TTC12: variants seen among roughly 807,000 people sequenced by gnomAD.
The protein encoded by TTC12 is tetratricopeptide repeat protein 12.
Under a neutral mutation model 90.1 loss-of-function variants are expected in TTC12, and 70 were observed. That is an observed-to-expected ratio of 0.78 (90% CI 0.64 to 0.95). The LOEUF is 0.95. Among genes scored for constraint, TTC12 ranks in the 40% least tolerant of loss-of-function variants. TTC12 has a pLI of 0.00. For missense variants in TTC12, 819 were observed against 846.1 expected (o/e 0.97, Z 0.40); for synonymous variants, 296 against 311.5 (o/e 0.95, Z 0.53).
At chr11:113,342,212 T>A (rs1478134049) in intron 12 of TTC12, among the ~76,000 whole-genome samples, 1 of 152,174 alleles carries the variant, frequency 6.6e-6, no homozygotes, top group Non-Finnish European at 1.5e-5. Context: ...GGCAATGAGG[T>A]AGATGGAGTT....
chr11:113,354,078 T>G (rs1555151533), intron 16 of TTC12, among the ~76,000 whole-genome samples: 1 of 152,240 alleles, frequency 6.6e-6, no homozygotes, highest in East Asian at 1.9e-4. Context: ...ACAATATTGA[T>G]TCTTCCTGTC....
chr11:113,317,849 A>G (rs1947042914), intron 2 of TTC12, among the ~76,000 whole-genome samples: 1 of 152,120 alleles, frequency 6.6e-6, no homozygotes, highest in Non-Finnish European at 1.5e-5. Context: ...TCATTCAGGT[A>G]TCATGTATAC....
intron 4 of TTC12, 74 bp downstream of exon 4, chr11:113,324,089 C>T: frequency 8.1e-7 from 1 of 1,239,298 alleles, no homozygotes; most frequent in South Asian, 1.3e-5. Context: ...AGCTCCCAGA[C>T]CCTTAAATTA....
intron 7 of TTC12, among the ~76,000 whole-genome samples, chr11:113,330,502 A>ATAGAT (rs781326057): frequency 1.7e-3 from 252 of 152,384 alleles, no homozygotes; most frequent in South Asian, 2.9e-3. Context: ...ATCTGCCAAA[A>ATAGAT]TAGATGGTCA....
chr11:113,345,916 G>C (rs1363107127), intron 13 of TTC12, among the ~76,000 whole-genome samples: 2 of 149,006 alleles, frequency 1.3e-5, no homozygotes, highest in African/African-American at 5.2e-5. Context: ...CACCTCGGGT[G>C]GTCCTGCCTA....
intron 16 of TTC12, among the ~76,000 whole-genome samples, chr11:113,358,768 A>C (rs1464474929): frequency 6.6e-6 from 1 of 152,162 alleles, no homozygotes; most frequent in Non-Finnish European, 1.5e-5. Flanking sequence ...TGTGCTGGTC[A>C]AGGGGATTTC....
intron 13 of TTC12, among the ~76,000 whole-genome samples, chr11:113,345,440 C>T (rs1314339909): frequency 5.6e-5 from 8 of 143,364 alleles, no homozygotes; most frequent in African/African-American, 1.3e-4. Flanking sequence ...GACCCAGCTC[C>T]GCTCTGTGTT....
chr11:113,325,405 C>T (rs1402397996), intron 5 of TTC12, 119 bp from the exon 6 acceptor site: 6 of 1,194,922 alleles, frequency 5.0e-6, no homozygotes, highest in East Asian at 2.5e-5. Flanking sequence ...GTGTCAAGTC[C>T]CTTTAGGATC....
In TTC12 at chr11:113,366,288, C is replaced by T. The variant is rs779785996; in HGVS notation, c.2106C>T (p.Ile702=). The change falls in exon 22 of 22, where the codon ATC becomes ATT. Residue 702 remains isoleucine (I), a synonymous_variant. Coordinates refer to ENST00000529221, the MANE Select transcript of TTC12 (RefSeq NM_017868.4). Reference sequence around the variant, plus strand: ...TTCTCAACTCTACGATGAAATACATCAGTGATTCTTGAGAGAGACAGGGTT... The same window carrying T: ...TTCTCAACTCTACGATGAAATACATTAGTGATTCTTGAGAGAGACAGGGTT... The part of the protein sequence containing the change: ...LEILNSTMKY[I]SDS The T allele has an allele frequency of 6.2e-6, 10 of 1,613,624 alleles. No individual in the cohort carries two copies. The Admixed American group carries it at 1.7e-4, about 27-fold the overall frequency.
chr11:113,367,418 A>C (rs1046833737), downstream of TTC12, among the ~76,000 whole-genome samples: 1 of 152,214 alleles, frequency 6.6e-6, no homozygotes, highest in African/African-American at 2.4e-5. Context: ...AGGTGAAGGC[A>C]CTTTGGGAAT....
chr11:113,323,342 T>G lies in TTC12; in HGVS notation c.113T>G (p.Val38Gly). Residue 38 changes from valine (V) to glycine (G), a missense_variant, in exon 3 of 22, where the codon GTC (valine) becomes GGC (glycine). Physicochemically the swap from Val to Gly is moderately radical, Grantham distance 109. Transcript: ENST00000529221. ...SDDPVVQQKA[V>G]LETEKRLLLM... ...GACCCAGTTGTGCAACAGAAAGCTG[T>G]CCTGGAGACAGAAAAGAGACTACTG... is the stretch of plus-strand genomic sequence containing the variant. 1.2e-6 allele frequency: 2 copies of G among 1,612,894 alleles called. No homozygotes were observed. Among genetic ancestry groups the G allele is most frequent in the Non-Finnish European group, 1.7e-6 (2 of 1,179,642 alleles).
chr11:113,359,306 G>A, intron 16 of TTC12, 57 bp from the exon 17 acceptor site: 1 of 1,163,340 alleles, frequency 8.6e-7, no homozygotes, highest in Non-Finnish European at 1.3e-6. Context: ...GGGAAAAGAT[G>A]ACCATAAAAA....
chr11:113,334,527 CT>C (rs1161738821), intron 7 of TTC12, among the ~76,000 whole-genome samples: 1 of 152,044 alleles, frequency 6.6e-6, no homozygotes, highest in Non-Finnish European at 1.5e-5. Flanking sequence ...ACCAGTGACT[CT>C]CAAACTTGCC....
downstream of TTC12, among the ~76,000 whole-genome samples, chr11:113,369,872 C>T (rs187020782): frequency 1.3e-4 from 20 of 152,302 alleles, no homozygotes; most frequent in East Asian, 3.9e-3. Context: ...CCATTATCTG[C>T]CCCCTCCCAC....
At chr11:113,330,676 G>A (rs111863110) in intron 7 of TTC12, among the ~76,000 whole-genome samples, 30 of 152,298 alleles carry the variant, frequency 2.0e-4, no homozygotes, top group African/African-American at 5.8e-4. Flanking sequence ...ACCAAAACTA[G>A]TGCTTCTCAG....
In TTC12 at chr11:113,338,069, T is replaced by TTTG. The variant is rs148118958; in HGVS notation, c.577-678_577-676dup. On this transcript the variant is annotated intron_variant, in intron 8 of 21. Coordinates refer to ENST00000529221, the MANE Select transcript of TTC12 (RefSeq NM_017868.4). ...ACCTTCAAGATTATCTCAGAACTGT[T>TTTG]TTGTTGTTGTTGTTGTTGTTGTTGT... Among the ~76,000 whole-genome samples the TTTG allele has an allele frequency of 1.1e-3, 172 of 151,286 alleles. 1 individual carries two copies. The South Asian group carries it at 0.012, about 10-fold the overall frequency.
downstream of TTC12, chr11:113,368,473 G>A (rs760738804): frequency 2.7e-5 from 42 of 1,550,356 alleles, 1 homozygote; most frequent in South Asian, 4.8e-4. Flanking sequence ...GGTAATCAGA[G>A]TCTTCTGGTT....
At chr11:113,318,767 G>A (rs1947111902) in intron 2 of TTC12, among the ~76,000 whole-genome samples, 1 of 152,164 alleles carries the variant, frequency 6.6e-6, no homozygotes, top group Non-Finnish European at 1.5e-5. Flanking sequence ...AGCTAAGAGT[G>A]AAGAAAGAGT....
intron 16 of TTC12, among the ~76,000 whole-genome samples, chr11:113,357,600 A>G (rs576256827): frequency 1.3e-5 from 2 of 151,736 alleles, no homozygotes. Context: ...CTTTGGATAA[A>G]TTTTTTTTCT....
Sources: allele counts gnomAD v4.1 joint callset (sites outside exome capture counted in the v4.1 genomes callset), GRCh38; gene constraint gnomAD v4.1.1; transcripts MANE v1.5; gene names NCBI Gene and HGNC (gene_info 2026-07-23, HGNC 2026-07-21).